DLGAP2: variants seen among roughly 807,000 people sequenced by gnomAD.
DLGAP2 encodes the protein disks large-associated protein 2.
Under a neutral mutation model 100.3 loss-of-function variants are expected in DLGAP2, and 26 were observed. The ratio of observed to expected loss-of-function variants is 0.26; its 90% confidence interval spans 0.19 to 0.36. The LOEUF is 0.36. DLGAP2 is among the 10% of genes least tolerant of loss of function. The pLI, the probability that DLGAP2 is intolerant of heterozygous loss-of-function variation, is 1.00. For missense variants in DLGAP2, 1,858 were observed against 1,453.2 expected (o/e 1.28, Z -4.53); for synonymous variants, 886 against 630.1 (o/e 1.41, Z -6.08).
chr8:1,238,627 G>A (rs1458904646), intron 2 of DLGAP2, among the ~76,000 whole-genome samples: 11 of 103,318 alleles, frequency 1.1e-4, no homozygotes, highest in African/African-American at 1.8e-4. Flanking sequence ...CTCACATGGC[G>A]CCATGTCTAG....
intron 2 of DLGAP2, among the ~76,000 whole-genome samples, chr8:1,195,212 G>A (rs73670667): frequency 0.24 from 36,580 of 152,096 alleles, 4,600 homozygotes; most frequent in Middle Eastern, 0.43. Flanking sequence ...CATCCCAGCT[G>A]GGACTGGGGC....
At chr8:781,167 A>G (rs757121043) in intron 1 of DLGAP2, among the ~76,000 whole-genome samples, 4 of 152,136 alleles carry the variant, frequency 2.6e-5, no homozygotes, top group Non-Finnish European at 5.9e-5. Flanking sequence ...TTTTTGTATT[A>G]AAACTTCATA....
chr8:1,091,598 C>T (rs547856316), intron 2 of DLGAP2, among the ~76,000 whole-genome samples: 41 of 152,324 alleles, frequency 2.7e-4, no homozygotes, highest in South Asian at 1.2e-3. Flanking sequence ...CCATATCATT[C>T]GGCAGGTCCC....
chr8:1,582,323 AAAAAAG>A (rs1225226073), intron 6 of DLGAP2, among the ~76,000 whole-genome samples: 4 of 152,266 alleles, frequency 2.6e-5, no homozygotes, highest in African/African-American at 9.6e-5. Context: ...TAAAAAAAAA[AAAAAAG>A]AAAGAAAGAA....
chr8:1,190,729 C>G (rs1797615551), intron 2 of DLGAP2, among the ~76,000 whole-genome samples: 1 of 152,142 alleles, frequency 6.6e-6, no homozygotes, highest in Admixed American at 6.5e-5. Context: ...GGTCACCTGC[C>G]TCAATGAAGG....
intron 2 of DLGAP2, among the ~76,000 whole-genome samples, chr8:969,021 C>T (rs1584933531): frequency 6.6e-6 from 1 of 152,176 alleles, no homozygotes; most frequent in Non-Finnish European, 1.5e-5. Flanking sequence ...TGGCTCAGCT[C>T]GTGTGGGCCA....
At chr8:1,052,415 A>G (rs1205504546) in intron 2 of DLGAP2, among the ~76,000 whole-genome samples, 1 of 152,248 alleles carries the variant, frequency 6.6e-6, no homozygotes, top group Non-Finnish European at 1.5e-5. Context: ...TAGTTTTAAC[A>G]CATGGCATCA....
intron 2 of DLGAP2, among the ~76,000 whole-genome samples, chr8:1,158,034 G>T (rs1446523844): frequency 6.6e-6 from 1 of 152,214 alleles, no homozygotes; most frequent in Non-Finnish European, 1.5e-5. Flanking sequence ...TTAAATCATG[G>T]CCCACCCTAG....
At chr8:1,283,559 G>A (rs531094015) in intron 3 of DLGAP2, among the ~76,000 whole-genome samples, 4 of 152,172 alleles carry the variant, frequency 2.6e-5, no homozygotes, top group African/African-American at 9.6e-5. Context: ...GCTTTGCTTC[G>A]TTATAATTTC....
intron 2 of DLGAP2, among the ~76,000 whole-genome samples, chr8:1,213,163 G>C (rs1250964725): frequency 2.6e-5 from 4 of 152,112 alleles, no homozygotes; most frequent in African/African-American, 4.8e-5. Flanking sequence ...TGATTTCCTT[G>C]CTGTGTGCGG....
At chr8:1,012,633 G>A (rs1424470143) in intron 2 of DLGAP2, among the ~76,000 whole-genome samples, 1 of 112,942 alleles carries the variant, frequency 8.9e-6, no homozygotes, top group Non-Finnish European at 1.7e-5. Context: ...CAGCGGCAGT[G>A]TGGACACCGT....
chr8:1,012,325 C>T (rs1370353464), intron 2 of DLGAP2, among the ~76,000 whole-genome samples: 2 of 152,238 alleles, frequency 1.3e-5, no homozygotes, highest in Non-Finnish European at 2.9e-5. Context: ...ACGAAGAACG[C>T]ACTCTCGGAA....
chr8:981,457 G>C (rs370765965), intron 2 of DLGAP2, among the ~76,000 whole-genome samples: 1 of 152,026 alleles, frequency 6.6e-6, no homozygotes, highest in African/African-American at 2.4e-5. Flanking sequence ...GAGTGGAAGC[G>C]CTAGGTCATT....
intron 1 of DLGAP2, among the ~76,000 whole-genome samples, chr8:805,144 C>G (rs1796243985): frequency 6.6e-6 from 1 of 152,196 alleles, no homozygotes; most frequent in African/African-American, 2.4e-5. Flanking sequence ...CCTAGGCAAA[C>G]TATTATTGTT....
chr8:1,253,709 T>C (rs540872126), intron 2 of DLGAP2, among the ~76,000 whole-genome samples: 1 of 152,278 alleles, frequency 6.6e-6, no homozygotes, highest in African/African-American at 2.4e-5. Context: ...TCTCCATCTG[T>C]GTCAATTAGC....
At chr8:1,208,869 TA>T (rs1798048941) in intron 2 of DLGAP2, among the ~76,000 whole-genome samples, 1 of 71,604 alleles carries the variant, frequency 1.4e-5, no homozygotes, top group Non-Finnish European at 3.4e-5. Flanking sequence ...GCTGCAAAAA[TA>T]AATAAATAAA....
chr8:1,068,558 C>T (rs941706714), intron 2 of DLGAP2, among the ~76,000 whole-genome samples: 1 of 152,136 alleles, frequency 6.6e-6, no homozygotes, highest in African/African-American at 2.4e-5. Flanking sequence ...CTAGCAGTGG[C>T]TCTATCTGTG....
intron 6 of DLGAP2, among the ~76,000 whole-genome samples, chr8:1,593,475 A>C (rs1796352034): frequency 6.6e-6 from 1 of 151,774 alleles, no homozygotes; most frequent in South Asian, 2.1e-4. Context: ...ATAATAATAA[A>C]ATAAAAATAA....
intron 2 of DLGAP2, among the ~76,000 whole-genome samples, chr8:1,164,326 A>AGGGCCCGTCATTTTGGTTTGTGGG (rs1563224499): frequency 9.0e-4 from 70 of 78,026 alleles, no homozygotes; most frequent in African/African-American, 2.5e-3. Flanking sequence ...TTGTGGGGAC[A>AGGGCCCGTCATTTTGGTTTGTGGG]GATTTTTCTG....
Sources: allele counts gnomAD v4.1 joint callset (sites outside exome capture counted in the v4.1 genomes callset), GRCh38; gene constraint gnomAD v4.1.1; transcripts MANE v1.5; gene names NCBI Gene and HGNC (gene_info 2026-07-23, HGNC 2026-07-21).